NRAP: variants seen among roughly 807,000 people sequenced by gnomAD.
The protein encoded by NRAP is nebulin-related-anchoring protein.
NRAP carries 189 observed loss-of-function variants against 225.9 expected under a neutral mutation model. That is an observed-to-expected ratio of 0.84 (90% CI 0.74 to 0.94). The LOEUF (loss-of-function observed/expected upper bound fraction) is 0.94, where lower values mean the gene tolerates loss of function less well. Among genes scored for constraint, NRAP ranks in the 40% least tolerant of loss-of-function variants. NRAP has a pLI of 0.00. For synonymous variants in NRAP, 769 were observed against 790.7 expected (o/e 0.97, Z 0.46); for missense variants, 2,176 against 2,168.7 (o/e 1.00, Z -0.07).
chr10:113,614,036 G>A (rs1847487793), intron 29 of NRAP, 147 bp downstream of exon 29: 1 of 647,144 alleles, frequency 1.5e-6, no homozygotes, highest in Non-Finnish European at 2.8e-6. Flanking sequence ...GTAGCCCAGA[G>A]GGGACAAGTG....
intron 13 of NRAP, 119 bp downstream of exon 13, chr10:113,641,246 T>C: frequency 1.5e-6 from 1 of 645,672 alleles, no homozygotes; most frequent in Non-Finnish European, 2.7e-6. Flanking sequence ...GGTCAGTCTT[T>C]ACACAGTCTT....
chr10:113,637,782 C>G (rs754975415), intron 14 of NRAP, among the ~76,000 whole-genome samples: 1 of 151,986 alleles, frequency 6.6e-6, no homozygotes, highest in African/African-American at 2.4e-5. Flanking sequence ...AATTAGGGAG[C>G]GTGGTGGCGC....
At chr10:113,608,821 C>T (rs1255298064) in intron 31 of NRAP, among the ~76,000 whole-genome samples, 1 of 152,138 alleles carries the variant, frequency 6.6e-6, no homozygotes, top group Non-Finnish European at 1.5e-5. Context: ...GACAGAGAAC[C>T]AGTGCTCCTC....
chr10:113,641,645 A>T (rs1849210549), intron 12 of NRAP, among the ~76,000 whole-genome samples, 173 bp from the exon 13 acceptor site: 1 of 152,210 alleles, frequency 6.6e-6, no homozygotes, highest in Admixed American at 6.5e-5. Context: ...AATAACGTAA[A>T]TTTCAACCCA....
At chr10:113,601,863 C>A (rs963785240) in intron 35 of NRAP, among the ~76,000 whole-genome samples, 4 of 152,096 alleles carry the variant, frequency 2.6e-5, no homozygotes, top group African/African-American at 9.7e-5. Context: ...TCAAATCGAA[C>A]CTCTTTGCTT....
chr10:113,589,503 G>GTCA (rs1845810092), intron 41 of NRAP, 163 bp downstream of exon 41: 1 of 756,708 alleles, frequency 1.3e-6, no homozygotes. Context: ...CATCTGCCTG[G>GTCA]TCATCTCAGA....
intron 11 of NRAP, among the ~76,000 whole-genome samples, chr10:113,644,188 G>A (rs1392110728): frequency 2.2e-5 from 3 of 133,758 alleles, no homozygotes; most frequent in Non-Finnish European, 3.2e-5. Context: ...TGTTAACAGT[G>A]TTATTCCTGG....
intron 29 of NRAP, among the ~76,000 whole-genome samples, 172 bp from the exon 30 acceptor site, chr10:113,612,603 A>G (rs1359863275): frequency 6.6e-6 from 1 of 152,134 alleles, no homozygotes; most frequent in East Asian, 1.9e-4. Context: ...GCTTGTCTCT[A>G]GGCCCTGACA....
At chr10:113,641,549 A>T in intron 12 of NRAP, 77 bp from the exon 13 acceptor site, 1 of 825,654 alleles carries the variant, frequency 1.2e-6, no homozygotes, top group Non-Finnish European at 2.1e-6. Flanking sequence ...ATCTTAATGC[A>T]TTAAATCCAA....
In NRAP at chr10:113,595,623, G is replaced by A. The variant is rs139537678; in HGVS notation, c.4536C>T (p.Asp1512=). Residue 1512 remains aspartate (D), a splice_region_variant and synonymous_variant, in exon 38 of 42, where the codon GAC becomes GAT. Coordinates refer to ENST00000359988, the MANE Select transcript of NRAP (RefSeq NM_198060.4). ...TTCCATGAACCACCAGTTCACTTAC[G>A]TCACTCAGATGCAGCGCATTGAGGC... ...RARLNALHLS[D]KVYRNSWEQT... The A allele has an allele frequency of 2.0e-4, 325 of 1,594,496 alleles. 6 individuals carry two copies. In the East Asian group the frequency reaches 6.4e-3, roughly 31 times the overall value.
intron 25 of NRAP, among the ~76,000 whole-genome samples, chr10:113,617,840 C>A (rs946841657): frequency 6.6e-6 from 1 of 152,132 alleles, no homozygotes; most frequent in Non-Finnish European, 1.5e-5. Context: ...GAAAAGGATT[C>A]TTTTTATAGG....
In NRAP at chr10:113,643,976, G is replaced by A. The variant is rs921674754; in HGVS notation, c.1111-938C>T. 7.3e-5 allele frequency among the ~76,000 whole-genome samples: 11 copies of A among 151,474 alleles called. No individual in the cohort carries two copies. In the East Asian group the frequency reaches 1.2e-3, roughly 16 times the overall value. ...TGGCCAGCAGACGGGGTTTCACCCCGTCTCTACCAAAAATACAAAAAATTA... is the reference window on the plus strand; with the variant it reads ...TGGCCAGCAGACGGGGTTTCACCCCATCTCTACCAAAAATACAAAAAATTA... On this transcript the variant is annotated intron_variant, in intron 11 of 41. Coordinates refer to ENST00000359988, the MANE Select transcript of NRAP (RefSeq NM_198060.4).
At chr10:113,663,154 T>G (rs957792188) in intron 2 of NRAP, among the ~76,000 whole-genome samples, 198 bp downstream of exon 2, 9 of 152,234 alleles carry the variant, frequency 5.9e-5, no homozygotes, top group Non-Finnish European at 1.3e-4. Context: ...ATCTTTTACT[T>G]GGAAGAAATT....
intron 38 of NRAP, 138 bp downstream of exon 38, chr10:113,595,485 C>T (rs1279011537): frequency 1.7e-6 from 1 of 599,906 alleles, no homozygotes; most frequent in African/African-American, 1.9e-5. Context: ...GTCACACAAA[C>T]AGTTTCTCAG....
chr10:113,589,598 A>G, intron 41 of NRAP, 68 bp downstream of exon 41: 1 of 1,548,370 alleles, frequency 6.5e-7, no homozygotes, highest in Non-Finnish European at 8.7e-7. Flanking sequence ...AACTTTGAAA[A>G]GAAACAATGA....
chr10:113,625,167 C>T (rs1275220477), intron 21 of NRAP, among the ~76,000 whole-genome samples: 1 of 152,190 alleles, frequency 6.6e-6, no homozygotes, highest in African/African-American at 2.4e-5. Flanking sequence ...CTGAAAACCC[C>T]TCCAAGATTT....
intron 29 of NRAP, among the ~76,000 whole-genome samples, chr10:113,613,015 C>T (rs560380611): frequency 4.6e-5 from 7 of 152,184 alleles, no homozygotes; most frequent in East Asian, 3.9e-4. Context: ...ACCATAGATT[C>T]GACTATAGTC....
At chr10:113,615,942 C>T in intron 26 of NRAP, 126 bp from the exon 27 acceptor site, 1 of 664,998 alleles carries the variant, frequency 1.5e-6, no homozygotes. Context: ...ATTTCGGGCA[C>T]CCTGCCTCCA....
rs552363130 is a variant in NRAP, at chr10:113,629,782, C to T, written c.1846G>A (p.Glu616Lys). 4 of 1,610,142 alleles carry T rather than the reference C, an allele frequency of 2.5e-6. No homozygotes were observed. The highest frequency in any genetic ancestry group is 2.6e-6 in the Non-Finnish European group (3 of 1,176,398). ...LQIAKMSSEV[E>K]YKKGFEESKT... ...CTCTCTTCAAAGCCTTTCTTATATT[C>T]AACCTTGAATATACCAAAACAAGGC... Residue 616 changes from glutamate (E) to lysine (K), a missense_variant, in exon 19 of 42, where the codon GAA (glutamate) becomes AAA (lysine). By Grantham distance (56) the Glu-to-Lys change is moderately conservative. Coordinates refer to ENST00000359988, the MANE Select transcript of NRAP (RefSeq NM_198060.4).
Sources: gnomAD v4.1 joint callset for allele counts (sites outside exome capture counted in the v4.1 genomes callset) on GRCh38, gnomAD v4.1.1 for gene constraint, MANE v1.5 for transcripts, NCBI Gene and HGNC (gene_info 2026-07-23, HGNC 2026-07-21) for gene names.